RNF216: variants seen among roughly 807,000 people sequenced by gnomAD.
RNF216 encodes the protein E3 ubiquitin-protein ligase RNF216.
A neutral mutation model predicts 110.8 loss-of-function variants in RNF216; 72 were observed. The ratio of observed to expected loss-of-function variants is 0.65; its 90% CI spans 0.54 to 0.79. The LOEUF (loss-of-function observed/expected upper bound fraction) is 0.79, where lower values mean the gene tolerates loss of function less well. Ranked by LOEUF, RNF216 falls within the 30% of genes least tolerant of loss-of-function variation. The pLI is 0.00. For missense variants in RNF216, 1,342 were observed against 1,141.2 expected, an observed-to-expected ratio of 1.18 and a Z score of -2.54; for synonymous variants, 495 against 407.5, an observed-to-expected ratio of 1.21 and a Z score of -2.59.
intron 1 of RNF216, among the ~76,000 whole-genome samples, chr7:5,779,828 C>CA (rs35798344): frequency 0.014 from 698 of 51,194 alleles, 8 homozygotes; most frequent in African/African-American, 0.026. Flanking sequence ...GACTCCGCCT[C>CA]AAAAAAAAAA....
chr7:5,632,360 C>T (rs927742319), intron 15 of RNF216, among the ~76,000 whole-genome samples: 10 of 152,246 alleles, frequency 6.6e-5, no homozygotes, highest in African/African-American at 2.4e-4. Context: ...TGTCTCTGCT[C>T]TCCTTCTGGC....
chr7:5,638,175 ACT>A (rs1787511984), intron 15 of RNF216, among the ~76,000 whole-genome samples: 1 of 151,966 alleles, frequency 6.6e-6, no homozygotes, highest in South Asian at 2.1e-4. Flanking sequence ...AGCAATCCAT[ACT>A]GTTTGTTTTC....
At chr7:5,642,097 A>G (rs543682847) in intron 14 of RNF216, among the ~76,000 whole-genome samples, 2 of 151,816 alleles carry the variant, frequency 1.3e-5, no homozygotes, top group Non-Finnish European at 2.9e-5. Context: ...AGGTTTAGAT[A>G]AAGTGCATTT....
chr7:5,769,919 C>G (rs919869245), intron 1 of RNF216, among the ~76,000 whole-genome samples: 7 of 40,446 alleles, frequency 1.7e-4, no homozygotes, highest in African/African-American at 5.3e-4. Flanking sequence ...TGCTTGTAGC[C>G]AGGAGGCTGA....
At position 5,622,890 on chromosome 7, in the gene RNF216, G is replaced by C. The variant is rs1466638652; in HGVS notation, c.2742C>G (p.His914Gln). ...HMPLEHNLPMHFGPQPRHRF is the reference protein window; with the variant it reads ...HMPLEHNLPMQFGPQPRHRF ...AGCGATGCCGCGGCTGGGGGCCAAA[G>C]TGCATGGGCAGGTTGTGCTCCAGGG... is the stretch of plus-strand genomic sequence containing the variant. The change falls in exon 17 of 17, where the codon CAC becomes CAG. Residue 914 changes from histidine to glutamine, a missense_variant. By Grantham distance (24) the His-to-Gln change is conservative (BLOSUM62 0). Coordinates refer to ENST00000389902, the MANE Select transcript of RNF216 (RefSeq NM_207111.4). 1 of 1,610,210 alleles carries C rather than the reference G, an allele frequency of 6.2e-7. No homozygotes were observed. The highest frequency in any genetic ancestry group is 2.2e-5 in the East Asian group (1 of 44,754).
chr7:5,623,121 C>T lies in RNF216; in HGVS notation c.2511G>A (p.Arg837=). Residue 837 remains arginine (R), a synonymous_variant, in exon 17 of 17, where the codon AGG becomes AGA. Coordinates refer to ENST00000389902, the MANE Select transcript of RNF216 (RefSeq NM_207111.4). ...GAACGGGCCTCGGGAGGGCCTCCAC[C>T]CTCTGCACCTTCTCCACAGGCTTCT... The part of the protein sequence containing the change: ...PLEKPVEKVQ[R]VEALPRPVPQ... 2 of 1,600,014 alleles carry T rather than the reference C, an allele frequency of 1.2e-6. No homozygotes were observed. Among genetic ancestry groups the T allele is most frequent in the Non-Finnish European group, 1.7e-6 (2 of 1,169,348 alleles).
intron 13 of RNF216, among the ~76,000 whole-genome samples, chr7:5,668,463 T>G (rs1196855370): frequency 6.6e-6 from 1 of 152,054 alleles, no homozygotes; most frequent in Non-Finnish European, 1.5e-5. Flanking sequence ...GACCTCGTGA[T>G]CTGCCCGCCT....
At chr7:5,710,222 T>C (rs1434002188) in intron 13 of RNF216, among the ~76,000 whole-genome samples, 1 of 152,014 alleles carries the variant, frequency 6.6e-6, no homozygotes, top group African/African-American at 2.4e-5. Context: ...CAGTCAGGCG[T>C]GGTGGCGCAT....
intron 13 of RNF216, 38 bp from the exon 14 acceptor site, chr7:5,652,548 G>A (rs1352051074): frequency 7.4e-7 from 1 of 1,354,858 alleles, no homozygotes; most frequent in East Asian, 2.3e-5. Context: ...AACTCCTGGT[G>A]AGTGGACACC....
intron 7 of RNF216, among the ~76,000 whole-genome samples, chr7:5,726,542 T>C (rs1793762922): frequency 6.6e-6 from 1 of 152,142 alleles, no homozygotes. Flanking sequence ...CTCTGTTAGA[T>C]TTCCCTTATC....
At chr7:5,717,867 C>T (rs2161013) in intron 9 of RNF216, among the ~76,000 whole-genome samples, 4,241 of 152,120 alleles carry the variant, frequency 0.028, 218 homozygotes, top group African/African-American at 0.097. Flanking sequence ...ACTGCAGCCT[C>T]GACCTCCCAG....
chr7:5,728,082 T>C (rs1387851306), intron 7 of RNF216, among the ~76,000 whole-genome samples: 1 of 152,068 alleles, frequency 6.6e-6, no homozygotes. Flanking sequence ...ACTGAATTCG[T>C]GATTATTTCT....
intron 15 of RNF216, among the ~76,000 whole-genome samples, chr7:5,627,400 G>A (rs894922269): frequency 2.6e-5 from 4 of 152,124 alleles, no homozygotes; most frequent in African/African-American, 7.2e-5. Context: ...TATGAGCAAC[G>A]TTCCAACGGG....
At position 5,716,779 on chromosome 7, in the gene RNF216, A is replaced by C; in HGVS notation, c.1645-13T>G. 6.2e-7 allele frequency: 1 copy of C among 1,602,246 alleles called. No homozygotes were observed. The highest frequency in any genetic ancestry group is 8.5e-7 in the Non-Finnish European group (1 of 1,173,328). Reference sequence around the variant, plus strand: ...AAAAGTCTTCATGCTGAAGAACAAAAAAGGCACACATTCAGACACAAATTT... The same window carrying C: ...AAAAGTCTTCATGCTGAAGAACAAACAAGGCACACATTCAGACACAAATTT... On this transcript the variant is annotated splice_polypyrimidine_tract_variant and intron_variant, in intron 9 of 16. Coordinates refer to ENST00000389902, the MANE Select transcript of RNF216 (RefSeq NM_207111.4).
chr7:5,746,734 TAA>T (rs773613770), intron 3 of RNF216, among the ~76,000 whole-genome samples: 4 of 152,176 alleles, frequency 2.6e-5, no homozygotes, highest in African/African-American at 4.8e-5. Context: ...TTTTCATGTA[TAA>T]AACTTCTGGC....
At chr7:5,684,780 T>C (rs143776752) in intron 13 of RNF216, among the ~76,000 whole-genome samples, 99 of 152,304 alleles carry the variant, frequency 6.5e-4, no homozygotes, top group African/African-American at 2.2e-3. Context: ...AACAAAACTT[T>C]ACCTTTACAG....
At chr7:5,716,433 G>C (rs776975735) in intron 10 of RNF216, among the ~76,000 whole-genome samples, 3 of 152,090 alleles carry the variant, frequency 2.0e-5, no homozygotes, top group Admixed American at 6.6e-5. Flanking sequence ...TAACTCTAAA[G>C]TGATATCTAA....
rs11319565 is a variant in RNF216 at position 5,671,805 on chromosome 7, C to CAAAAAAAAAAAAAAAAAA, written c.2062-19313_2062-19296dup. ...GAGCAAAGAGACCAAAACTCCGTCT[C>CAAAAAAAAAAAAAAAAAA]AAAAAAAAAAAAAAAAAAAAAAAAG... is the stretch of plus-strand genomic sequence containing the variant. On this transcript the variant is annotated intron_variant, in intron 13 of 16. Coordinates refer to ENST00000389902, the MANE Select transcript of RNF216 (RefSeq NM_207111.4). 1.6e-3 allele frequency among the ~76,000 whole-genome samples: 89 copies of CAAAAAAAAAAAAAAAAAA among 54,212 alleles called. 1 individual carries two copies. Among genetic ancestry groups the CAAAAAAAAAAAAAAAAAA allele is most frequent in the Non-Finnish European group, 2.2e-3 (68 of 30,356 alleles). The allele number at this position is 54,212 out of a possible 152,430, so 35.6% of individuals were successfully genotyped here.
intron 13 of RNF216, among the ~76,000 whole-genome samples, chr7:5,653,424 C>T (rs1435059325): frequency 6.6e-6 from 1 of 151,562 alleles, no homozygotes; most frequent in Non-Finnish European, 1.5e-5. Context: ...CGGTGAAACC[C>T]TGTCTCTACT....
Sources: gnomAD v4.1 joint callset for allele counts (sites outside exome capture counted in the v4.1 genomes callset) on GRCh38, gnomAD v4.1.1 for gene constraint, MANE v1.5 for transcripts, NCBI Gene and HGNC (gene_info 2026-07-23, HGNC 2026-07-21) for gene names.